SLC24A2: variants seen among roughly 807,000 people sequenced by gnomAD.
The protein encoded by SLC24A2 is sodium/potassium/calcium exchanger 2.
SLC24A2 carries 36 observed loss-of-function variants against 62.0 expected under a neutral mutation model. The ratio of observed to expected loss-of-function variants is 0.58; its 90% CI spans 0.44 to 0.77. The LOEUF is 0.77. SLC24A2 is among the 30% of genes least tolerant of loss of function. The pLI is 0.00. For synonymous variants in SLC24A2, 358 were observed against 294.0 expected, an observed-to-expected ratio of 1.22 and a Z score of -2.23; for missense variants, 846 against 817.9, an observed-to-expected ratio of 1.03 and a Z score of -0.42.
intron 2 of SLC24A2, among the ~76,000 whole-genome samples, chr9:19,650,543 G>A (rs1027711523): frequency 6.6e-6 from 1 of 152,176 alleles, no homozygotes; most frequent in Admixed American, 6.5e-5. Context: ...CAGAGAAACA[G>A]CTTGGGTGTG....
At chr9:20,230,480 G>A in the SLC24A2 span, among the ~76,000 whole-genome samples, 1 of 152,220 alleles carries the variant, frequency 6.6e-6, no homozygotes, top group East Asian at 1.9e-4. Flanking sequence ...TTCTCTGATG[G>A]CCAGTGATGA....
At chr9:20,287,592 T>C in the SLC24A2 span, among the ~76,000 whole-genome samples, 1 of 152,208 alleles carries the variant, frequency 6.6e-6, no homozygotes, top group Admixed American at 6.5e-5. Flanking sequence ...TAACACCTAC[T>C]CTGTGTCAGA....
At chr9:20,002,363 A>T in the SLC24A2 span, among the ~76,000 whole-genome samples, 1 of 146,228 alleles carries the variant, frequency 6.8e-6, no homozygotes, top group South Asian at 2.2e-4. Context: ...CAAGCTACAA[A>T]CCTTTTTTTT....
chr9:19,764,572 T>G (rs557657037), intron 2 of SLC24A2, among the ~76,000 whole-genome samples: 1 of 152,242 alleles, frequency 6.6e-6, no homozygotes, highest in African/African-American at 2.4e-5. Flanking sequence ...CAGTAGTCAT[T>G]CAGGAGCAAG....
the SLC24A2 span, among the ~76,000 whole-genome samples, chr9:20,208,717 G>T: frequency 6.6e-6 from 1 of 152,182 alleles, no homozygotes; most frequent in Non-Finnish European, 1.5e-5. Context: ...CGAGTAGATA[G>T]ACCCCCATCT....
the SLC24A2 span, among the ~76,000 whole-genome samples, chr9:20,094,349 T>C: frequency 6.6e-6 from 1 of 152,228 alleles, no homozygotes; most frequent in Non-Finnish European, 1.5e-5. Context: ...AATTAAACAA[T>C]TATTTGTCAG....
At chr9:20,102,869 G>A in the SLC24A2 span, among the ~76,000 whole-genome samples, 20 of 151,690 alleles carry the variant, frequency 1.3e-4, no homozygotes, top group East Asian at 1.6e-3. Flanking sequence ...GCAGTGCACC[G>A]TGCGCCAGCA....
At chr9:20,047,790 C>A in the SLC24A2 span, among the ~76,000 whole-genome samples, 1 of 151,464 alleles carries the variant, frequency 6.6e-6, no homozygotes, top group African/African-American at 2.4e-5. Flanking sequence ...CCTCCTAATA[C>A]CATCACCTTG....
At chr9:20,298,382 C>G in the SLC24A2 span, among the ~76,000 whole-genome samples, 1 of 152,206 alleles carries the variant, frequency 6.6e-6, no homozygotes, top group Non-Finnish European at 1.5e-5. Context: ...GCACGCGCCA[C>G]CATGCCCAGC....
the SLC24A2 span, among the ~76,000 whole-genome samples, chr9:20,027,283 G>A: frequency 6.6e-6 from 1 of 152,042 alleles, no homozygotes; most frequent in Admixed American, 6.5e-5. Context: ...ATATGATCCA[G>A]CAATCCCACT....
At chr9:19,625,852 A>G (rs567050284) in intron 2 of SLC24A2, among the ~76,000 whole-genome samples, 54 of 151,944 alleles carry the variant, frequency 3.6e-4, no homozygotes, top group Non-Finnish European at 6.6e-4. Context: ...ACGCCCAGCT[A>G]ATTTTTGTAT....
chr9:19,978,027 T>C, the SLC24A2 span, among the ~76,000 whole-genome samples: 1 of 152,316 alleles, frequency 6.6e-6, no homozygotes, highest in African/African-American at 2.4e-5. Flanking sequence ...GAGGGGTGTC[T>C]TGGTAACTTA....
chr9:19,996,851 G>C, the SLC24A2 span, among the ~76,000 whole-genome samples: 1 of 151,580 alleles, frequency 6.6e-6, no homozygotes, highest in Non-Finnish European at 1.5e-5. Flanking sequence ...TCCCTGGTTT[G>C]AGAATTGTAG....
the SLC24A2 span, among the ~76,000 whole-genome samples, chr9:19,841,108 C>T: frequency 1.3e-5 from 2 of 151,878 alleles, no homozygotes; most frequent in African/African-American, 2.4e-5. Flanking sequence ...TCAATAAACA[C>T]GTATTTATTA....
At chr9:20,043,196 T>C in the SLC24A2 span, among the ~76,000 whole-genome samples, 1 of 152,082 alleles carries the variant, frequency 6.6e-6, no homozygotes, top group Admixed American at 6.6e-5. Flanking sequence ...AAGGTATAAA[T>C]GTAAAGGAAA....
intron 8 of SLC24A2, among the ~76,000 whole-genome samples, chr9:19,537,017 T>C (rs966496173): frequency 4.8e-5 from 7 of 146,820 alleles, no homozygotes; most frequent in African/African-American, 1.5e-4. Flanking sequence ...GAAGTGTCTG[T>C]TCATGTCCTT....
intron 8 of SLC24A2, among the ~76,000 whole-genome samples, chr9:19,545,858 C>G (rs1178570259): frequency 6.6e-6 from 1 of 152,140 alleles, no homozygotes; most frequent in African/African-American, 2.4e-5. Flanking sequence ...AGGATGGTCT[C>G]AATCTCCTGA....
chr9:20,305,834 G>A, the SLC24A2 span, among the ~76,000 whole-genome samples: 6 of 152,138 alleles, frequency 3.9e-5, no homozygotes, highest in Non-Finnish European at 5.9e-5. Flanking sequence ...CAACAGAAAT[G>A]TATTTCTCAC....
At chr9:19,791,382 AG>A (rs1823318852), upstream of SLC24A2, among the ~76,000 whole-genome samples, 1 of 152,214 alleles carries the variant, frequency 6.6e-6, no homozygotes, top group South Asian at 2.1e-4. Context: ...CATAGCTGCA[AG>A]GGAGTGTAAA....
Sources: allele counts gnomAD v4.1 joint callset (sites outside exome capture counted in the v4.1 genomes callset), GRCh38; gene constraint gnomAD v4.1.1; transcripts MANE v1.5; gene names NCBI Gene and HGNC (gene_info 2026-07-23, HGNC 2026-07-21).